DTNB: variants seen among roughly 807,000 people sequenced by gnomAD.
The protein encoded by DTNB is dystrobrevin beta.
In DTNB, 63 loss-of-function variants were observed where a neutral mutation model predicts 90.7. The ratio of observed to expected loss-of-function variants is 0.69; its 90% CI spans 0.57 to 0.86. The LOEUF (loss-of-function observed/expected upper bound fraction) is 0.86. Among genes scored for constraint, DTNB ranks in the 40% least tolerant of loss-of-function variants. The probability of loss-of-function intolerance (pLI) is 0.00; values close to 1 mark genes in which losing one functional copy is unlikely to be tolerated. For synonymous variants in DTNB, 277 were observed against 286.7 expected (o/e 0.97, Z 0.34); for missense variants, 744 against 807.1 (o/e 0.92, Z 0.95).
At chr2:25,511,597 G>C (rs975238348) in intron 9 of DTNB, among the ~76,000 whole-genome samples, 1 of 152,166 alleles carries the variant, frequency 6.6e-6, no homozygotes, top group African/African-American at 2.4e-5. Flanking sequence ...CTCCCAAAGT[G>C]CTGGGATTAG....
Position 25,420,272 on chromosome 2 carries a change from T to TC in DTNB, c.1555-738_1555-737insG, listed in dbSNP as rs1206906433. Among the ~76,000 whole-genome samples the TC allele has an allele frequency of 1.7e-4, 25 of 147,458 alleles. 1 individual carries two copies. Among genetic ancestry groups the TC allele is most frequent in the East Asian group, 3.9e-4 (2 of 5,108 alleles). ...GCTTTCAGGCACAGTCTTTTTTTTT[T>TC]TTTTTTTTTTTTTTTTCAGTGAGTC... is the stretch of plus-strand genomic sequence containing the variant. On this transcript the variant is annotated intron_variant, in intron 15 of 20. Transcript: ENST00000406818.
intron 8 of DTNB, among the ~76,000 whole-genome samples, chr2:25,554,542 C>T (rs1268509817): frequency 6.6e-6 from 1 of 152,174 alleles, no homozygotes; most frequent in Non-Finnish European, 1.5e-5. Context: ...AATGCACACT[C>T]CTCTCGTCCC....
rs565697370 is a variant in DTNB, at chr2:25,633,304, C to A, written c.149-4920G>T. On this transcript the variant is annotated intron_variant, in intron 3 of 20. Transcript: ENST00000406818. ...TCAGCCTGCCCAGCGCCTGCCATTG[C>A]AGGCGCGCGCCGCCACGCCTGACTG... Among the ~76,000 whole-genome samples the A allele has an allele frequency of 7.1e-4, 108 of 152,012 alleles. 1 individual carries two copies. Among genetic ancestry groups the A allele is most frequent in the African/African-American group, 2.5e-3 (106 of 41,576 alleles).
intron 6 of DTNB, among the ~76,000 whole-genome samples, chr2:25,590,663 G>A (rs963146980): frequency 6.6e-6 from 1 of 152,210 alleles, no homozygotes; most frequent in African/African-American, 2.4e-5. Flanking sequence ...GTAATCATTT[G>A]TTCGAGTTTG....
chr2:25,457,618 T>C (rs1054475967), intron 10 of DTNB, among the ~76,000 whole-genome samples: 2 of 152,214 alleles, frequency 1.3e-5, no homozygotes, highest in African/African-American at 4.8e-5. Context: ...CGCTTGCAGA[T>C]ACAGCATTTA....
chr2:25,563,802 A>C (rs2058604026), intron 8 of DTNB, among the ~76,000 whole-genome samples: 1 of 152,234 alleles, frequency 6.6e-6, no homozygotes, highest in Non-Finnish European at 1.5e-5. Flanking sequence ...TTCTATCTTC[A>C]TGCCAGTATC....
chr2:25,576,666 A>G, intron 8 of DTNB, 172 bp downstream of exon 8: 1 of 824,872 alleles, frequency 1.2e-6, no homozygotes, highest in South Asian at 3.0e-5. Flanking sequence ...TCTGCTTTTA[A>G]AATCAAGTGA....
intron 8 of DTNB, among the ~76,000 whole-genome samples, chr2:25,559,812 T>A (rs570789585): frequency 2.6e-5 from 4 of 152,148 alleles, no homozygotes; most frequent in Non-Finnish European, 4.4e-5. Context: ...ATAAGACAGA[T>A]ACACAGAGGA....
intron 11 of DTNB, among the ~76,000 whole-genome samples, chr2:25,452,943 G>C (rs539258904): frequency 6.6e-6 from 1 of 151,580 alleles, no homozygotes; most frequent in Admixed American, 6.6e-5. Flanking sequence ...ACTATTAGGC[G>C]GCTTTAATAT....
rs1480384398 is a variant in DTNB at position 25,434,168 on chromosome 2, C to T, written c.1258-173G>A. ...TTAGTAAATTTAAACAGTTGTGCAA[C>T]CAATCACCACAGTCCAGTTTTAGAA... On this transcript the variant is annotated intron_variant, in intron 12 of 20. Transcript: ENST00000406818. 3.3e-5 allele frequency among the ~76,000 whole-genome samples: 5 copies of T among 152,066 alleles called. No individual in the cohort carries two copies. The South Asian group carries it at 6.2e-4, about 19-fold the overall frequency.
chr2:25,526,366 T>A (rs1407019490), intron 9 of DTNB, among the ~76,000 whole-genome samples: 5 of 76,806 alleles, frequency 6.5e-5, no homozygotes, highest in Admixed American at 4.6e-4. Flanking sequence ...TATATAAATA[T>A]ATATATATAT....
chr2:25,608,011 A>G (rs545121175), intron 4 of DTNB, among the ~76,000 whole-genome samples: 9 of 152,252 alleles, frequency 5.9e-5, no homozygotes, highest in East Asian at 3.9e-4. Flanking sequence ...AACCAAGACA[A>G]TATCACCGAG....
intron 16 of DTNB, chr2:25,419,280 A>G (rs551826424): frequency 4.9e-6 from 3 of 616,526 alleles, no homozygotes; most frequent in Non-Finnish European, 8.6e-6. Flanking sequence ...TTCAATGCGC[A>G]CAACAGATGG....
chr2:25,493,171 G>A (rs1356525436), intron 9 of DTNB, among the ~76,000 whole-genome samples: 1 of 152,020 alleles, frequency 6.6e-6, no homozygotes, highest in Non-Finnish European at 1.5e-5. Context: ...TATTACTATT[G>A]GTGTGAAAGG....
chr2:25,431,006 C>T (rs1574338040), intron 14 of DTNB, among the ~76,000 whole-genome samples: 2 of 152,292 alleles, frequency 1.3e-5, no homozygotes, highest in East Asian at 3.9e-4. Flanking sequence ...TGCTGGCAGT[C>T]CCTGGCCTCA....
At chr2:25,483,003 GGGGGGGGACCCATGGGGAA>G in intron 9 of DTNB, 130 bp from the exon 10 acceptor site, 1 of 883,064 alleles carries the variant, frequency 1.1e-6, no homozygotes, top group Non-Finnish European at 1.6e-6. Flanking sequence ...CCCATGGGGA[GGGGGGGGACCCATGGGGAA>G]GGGGAGGCCC....
rs551090017 is a variant in DTNB, at chr2:25,664,967, TGGAGCTAAGTA to T, written c.-2+8408_-2+8418del. ...TGGTGCTGGATCAGACCTTAAATCA[TGGAGCTAAGTA>T]GGATCTGAAGAGAGTGCAGCAAAAA... On this transcript the variant is annotated intron_variant, in intron 1 of 20. Coordinates refer to ENST00000406818, the MANE Select transcript of DTNB (RefSeq NM_021907.5). 8.5e-5 allele frequency among the ~76,000 whole-genome samples: 13 copies of T among 152,344 alleles called. No individual in the cohort carries two copies. The South Asian group carries it at 2.7e-3, about 32-fold the overall frequency.
chr2:25,419,521 CT>C lies in DTNB; in HGVS notation c.1568del (p.Lys523SerfsTer43). On this transcript the variant is annotated frameshift_variant, in exon 16 of 21. Coordinates refer to ENST00000406818, the MANE Select transcript of DTNB (RefSeq NM_021907.5). LOFTEE classifies it high-confidence loss of function. The stretch of plus-strand genomic sequence containing the variant: ...AATTCCGAAGTTCACTTACTGCCTG[CT>C]TTTGCTCTTCCTCCTGGAGTGTTGA... ...LMKLLKEEEQ[K>X]QAAQATGSPH... The C allele has an allele frequency of 6.4e-7, 1 of 1,558,218 alleles. No individual in the cohort carries two copies. Among genetic ancestry groups the C allele is most frequent in the Non-Finnish European group, 8.7e-7 (1 of 1,150,652 alleles).
intron 12 of DTNB, among the ~76,000 whole-genome samples, chr2:25,442,075 T>C (rs1179234116): frequency 1.3e-5 from 2 of 152,216 alleles, no homozygotes; most frequent in Non-Finnish European, 2.9e-5. Flanking sequence ...GGCTCATATT[T>C]GGCAAGTTCG....
Sources: gnomAD v4.1 joint callset for allele counts (sites outside exome capture counted in the v4.1 genomes callset) on GRCh38, gnomAD v4.1.1 for gene constraint, MANE v1.5 for transcripts, NCBI Gene and HGNC (gene_info 2026-07-23, HGNC 2026-07-21) for gene names.